SERINC5: variants seen among roughly 807,000 people sequenced by gnomAD.
The protein encoded by SERINC5 is chromosome 5 open reading frame 12.
Under a neutral mutation model 63.1 loss-of-function variants are expected in SERINC5, and 41 were observed. That is an observed-to-expected ratio of 0.65 (90% CI 0.51 to 0.84). SERINC5 has a LOEUF of 0.84. Ranked by LOEUF, SERINC5 falls within the 40% of genes least tolerant of loss-of-function variation. The pLI, the probability that SERINC5 is intolerant of heterozygous loss-of-function variation, is 0.00. For synonymous variants in SERINC5, 222 were observed against 215.2 expected, an observed-to-expected ratio of 1.03 and a Z score of -0.28; for missense variants, 523 against 573.0, an observed-to-expected ratio of 0.91 and a Z score of 0.89.
intron 1 of SERINC5, among the ~76,000 whole-genome samples, chr5:80,252,219 C>T (rs1475101892): frequency 1.3e-5 from 2 of 151,924 alleles, no homozygotes; most frequent in African/African-American, 4.8e-5. Flanking sequence ...TGCACCATCA[C>T]GCCTGGCTAA....
Position 80,144,770 on chromosome 5 carries a change from T to C in SERINC5, c.1239-960A>G, listed in dbSNP as rs541959906. Among the ~76,000 whole-genome samples, 12 of 152,330 alleles carry C rather than the reference T, an allele frequency of 7.9e-5. 2 individuals carry two copies. The South Asian group carries it at 2.5e-3, about 32-fold the overall frequency. On this transcript the variant is annotated intron_variant, in intron 11 of 11. Coordinates refer to ENST00000507668, the MANE Select transcript of SERINC5 (RefSeq NM_001174072.3). ...CATATTTGACTTGCGTCATAGTCTG[T>C]CTCTCCTGCTGGACTATAAATCCTG... is the stretch of plus-strand genomic sequence containing the variant.
chr5:80,221,498 C>A (rs575057646), intron 1 of SERINC5, among the ~76,000 whole-genome samples: 1 of 152,038 alleles, frequency 6.6e-6, no homozygotes, highest in East Asian at 1.9e-4. Flanking sequence ...GGAAAAAATG[C>A]TAATGGACAC....
At chr5:80,168,183 A>G (rs1003608190) in intron 6 of SERINC5, among the ~76,000 whole-genome samples, 2 of 151,954 alleles carry the variant, frequency 1.3e-5, no homozygotes, top group Non-Finnish European at 2.9e-5. Context: ...AAGAAAACAA[A>G]TTATTTGTGA....
chr5:80,235,407 A>G (rs1416456052), intron 1 of SERINC5, among the ~76,000 whole-genome samples: 1 of 152,210 alleles, frequency 6.6e-6, no homozygotes, highest in East Asian at 1.9e-4. Flanking sequence ...TTCCAAGTTT[A>G]CTTCTAATAC....
chr5:80,166,796 T>G (rs560271915), intron 6 of SERINC5: 93 of 215,520 alleles, frequency 4.3e-4, no homozygotes, highest in African/African-American at 2.1e-3. Context: ...CATTAGTTCT[T>G]AAATCACAAG....
At chr5:80,194,480 A>G (rs1191388508) in intron 2 of SERINC5, among the ~76,000 whole-genome samples, 2 of 152,210 alleles carry the variant, frequency 1.3e-5, no homozygotes, top group Non-Finnish European at 2.9e-5. Flanking sequence ...TGTTTGTTTT[A>G]AAAAGATGGT....
At chr5:80,204,763 G>A (rs1169721925) in intron 1 of SERINC5, among the ~76,000 whole-genome samples, 1 of 152,138 alleles carries the variant, frequency 6.6e-6, no homozygotes, top group Non-Finnish European at 1.5e-5. Context: ...AAGAAAGTGA[G>A]GGAGAAGAAA....
chr5:80,147,917 G>T (rs1476517005), intron 9 of SERINC5, among the ~76,000 whole-genome samples: 1 of 152,098 alleles, frequency 6.6e-6, no homozygotes, highest in Non-Finnish European at 1.5e-5. Flanking sequence ...GGTCAGGCAG[G>T]TTAACTGGCC....
At position 80,158,973 on chromosome 5, in the gene SERINC5, AAAAAC is replaced by A. The variant is rs1229412984; in HGVS notation, c.860-16_860-12del. The A allele has an allele frequency of 1.2e-6, 2 of 1,613,134 alleles. No homozygotes were observed. Among genetic ancestry groups the A allele is most frequent in the Non-Finnish European group, 1.7e-6 (2 of 1,179,776 alleles). ...CATGTTCATCTAGAACTTGAAAAGA[AAAAAC>A]AAAGTCATCACAGTCAAGTACAAAG... On this transcript the variant is annotated splice_polypyrimidine_tract_variant and intron_variant, in intron 7 of 11. Transcript: ENST00000507668.
At chr5:80,194,347 C>A (rs754680541) in intron 2 of SERINC5, among the ~76,000 whole-genome samples, 1 of 152,178 alleles carries the variant, frequency 6.6e-6, no homozygotes, top group Non-Finnish European at 1.5e-5. Flanking sequence ...GAACATTCAA[C>A]CAGTAAATAT....
At chr5:80,253,075 C>T (rs978997393) in intron 1 of SERINC5, among the ~76,000 whole-genome samples, 1 of 152,224 alleles carries the variant, frequency 6.6e-6, no homozygotes, top group African/African-American at 2.4e-5. Flanking sequence ...TACTTCACCT[C>T]AGTAATGCGA....
intron 2 of SERINC5, among the ~76,000 whole-genome samples, chr5:80,192,694 T>C (rs555141954): frequency 8.5e-5 from 13 of 152,316 alleles, no homozygotes; most frequent in Middle Eastern, 3.4e-3. Context: ...ATTTGAAGAC[T>C]GCAGAGACTG....
chr5:80,120,546 T>C (rs970852410), intron 11 of SERINC5, among the ~76,000 whole-genome samples: 2 of 152,080 alleles, frequency 1.3e-5, no homozygotes, highest in Non-Finnish European at 2.9e-5. Flanking sequence ...TGGCCAGGCG[T>C]GGGGGCTTAC....
At chr5:80,226,717 G>T (rs945105932) in intron 1 of SERINC5, among the ~76,000 whole-genome samples, 4 of 152,080 alleles carry the variant, frequency 2.6e-5, no homozygotes, top group African/African-American at 9.7e-5. Flanking sequence ...TTGTGGCAGT[G>T]ATACTAATAA....
intron 12 of SERINC5, among the ~76,000 whole-genome samples, chr5:80,112,486 G>A (rs1184843908): frequency 4.6e-5 from 7 of 152,080 alleles, no homozygotes; most frequent in East Asian, 1.9e-4. Flanking sequence ...AATACTGAGG[G>A]AACTCAGAGA....
chr5:80,212,109 T>C (rs1382619736), intron 1 of SERINC5, among the ~76,000 whole-genome samples: 1 of 152,154 alleles, frequency 6.6e-6, no homozygotes, highest in African/African-American at 2.4e-5. Context: ...CAGTCCCTTT[T>C]CCTAATTCTG....
rs1745490568 is a variant in SERINC5 at position 80,141,292 on chromosome 5, GA to G, written c.*2370del. 2.0e-6 allele frequency: 2 copies of G among 985,478 alleles called. No individual in the cohort carries two copies. Among genetic ancestry groups the G allele is most frequent in the Non-Finnish European group, 2.4e-6 (2 of 829,954 alleles). 61.0% of individuals were successfully genotyped at this position (985,478 alleles called of 1,614,324 possible). Reference sequence around the variant, plus strand: ...GTCACAAACCAGACTCACGCATCTGGAAAACGTTGTGTGGCTGGGCTGGCTC... The same window carrying G: ...GTCACAAACCAGACTCACGCATCTGGAAACGTTGTGTGGCTGGGCTGGCTC... On this transcript the variant is annotated 3_prime_UTR_variant, in exon 12 of 12. Coordinates refer to ENST00000507668, the MANE Select transcript of SERINC5 (RefSeq NM_001174072.3).
At position 80,167,106 on chromosome 5, in the gene SERINC5, TA is replaced by T. The variant is rs1225971311; in HGVS notation, c.764-629del. On this transcript the variant is annotated intron_variant, in intron 6 of 11. Coordinates refer to ENST00000507668, the MANE Select transcript of SERINC5 (RefSeq NM_001174072.3). ...TTATTTTTAACTTTTATTTTAGGTT[TA>T]GGGGTGTATGTGCAGGTTTGTTGTA... is the stretch of plus-strand genomic sequence containing the variant. The T allele has an allele frequency of 1.1e-4, 17 of 152,598 alleles. No homozygotes were observed. The East Asian group carries it at 2.1e-3, about 19-fold the overall frequency. 9.5% of individuals were successfully genotyped at this position (152,598 alleles called of 1,614,324 possible).
At chr5:80,125,986 G>C (rs1341587952) in intron 11 of SERINC5, among the ~76,000 whole-genome samples, 1 of 152,212 alleles carries the variant, frequency 6.6e-6, no homozygotes, top group Non-Finnish European at 1.5e-5. Context: ...GTTCAGTTCA[G>C]AGACTCTATC....
Sources: allele counts gnomAD v4.1 joint callset (sites outside exome capture counted in the v4.1 genomes callset), GRCh38; gene constraint gnomAD v4.1.1; transcripts MANE v1.5; gene names NCBI Gene and HGNC (gene_info 2026-07-23, HGNC 2026-07-21).